The following PRR14L variants were observed in gnomAD, a reference collection of about 807,000 sequenced individuals.
PRR14L encodes the protein proline rich 14 like.
In PRR14L, 80 loss-of-function variants were observed where a neutral mutation model predicts 155.0. The observed-to-expected ratio is 0.52, with a 90% CI of 0.43 to 0.62. PRR14L has a LOEUF of 0.62. Ranked by LOEUF, PRR14L falls within the 20% of genes least tolerant of loss-of-function variation. The pLI, the probability that PRR14L is intolerant of heterozygous loss-of-function variation, is 0.00. For synonymous variants in PRR14L, 883 were observed against 916.0 expected, an observed-to-expected ratio of 0.96 and a Z score of 0.65; for missense variants, 2,469 against 2,548.0, an observed-to-expected ratio of 0.97 and a Z score of 0.67.
Position 31,712,300 on chromosome 22 carries a change from T to C in PRR14L, c.5539A>G (p.Thr1847Ala), listed in dbSNP as rs753079943. 18 of 1,613,978 alleles carry C rather than the reference T, an allele frequency of 1.1e-5. No homozygotes were observed. Among genetic ancestry groups the C allele is most frequent in the Admixed American group, 3.3e-5 (2 of 59,984 alleles). ...TGGGTCATGAAGAGCCTCTGCATGG[T>C]AGGCATGTGGCTGGAGAAGCTCCGT... Reference protein sequence around the residue: ...KKRSFSSHMPTMQRLFMTQFT... With the variant: ...KKRSFSSHMPAMQRLFMTQFT... The change falls in exon 4 of 9, where the codon ACC becomes GCC. Residue 1847 changes from threonine to alanine, a missense_variant. By Grantham distance (58) the Thr-to-Ala change is moderately conservative (BLOSUM62 0). Transcript: ENST00000327423.
chr22:31,683,531 A>C lies in PRR14L; in HGVS notation c.*1996T>G, dbSNP rs2074465668. 1 of 152,268 alleles carries C rather than the reference A, an allele frequency of 6.6e-6. No individual in the cohort carries two copies. The highest frequency in any genetic ancestry group is 1.5e-5 in the Non-Finnish European group (1 of 68,076). 9.4% of individuals were successfully genotyped at this position (152,268 alleles called of 1,614,324 possible). On this transcript the variant is annotated 3_prime_UTR_variant, in exon 9 of 9. Coordinates refer to ENST00000327423, the MANE Select transcript of PRR14L (RefSeq NM_173566.3). ...GGTGAAACATAGGTCGTGTCTATAC[A>C]GTCTGGGCAAAGTGGATGTAGAATG...
At chr22:31,745,182 C>T (rs1426069328) in intron 1 of PRR14L, among the ~76,000 whole-genome samples, 1 of 152,068 alleles carries the variant, frequency 6.6e-6, no homozygotes, top group Non-Finnish European at 1.5e-5. Flanking sequence ...TCGAGACCAT[C>T]CTGGCTAACA....
Position 31,743,002 on chromosome 22 carries a change from T to C in PRR14L, c.-51-4091A>G, listed in dbSNP as rs1346532461. On this transcript the variant is annotated intron_variant, in intron 1 of 8. Coordinates refer to ENST00000327423, the MANE Select transcript of PRR14L (RefSeq NM_173566.3). ...TTACAAGATCCCCTGTATAGGAATGTCTAGACTAGGCAAATCTTACTATGA... is the reference window on the plus strand; with the variant it reads ...TTACAAGATCCCCTGTATAGGAATGCCTAGACTAGGCAAATCTTACTATGA... 6.6e-5 allele frequency among the ~76,000 whole-genome samples: 10 copies of C among 152,250 alleles called. No individual in the cohort carries two copies. The East Asian group carries it at 1.5e-3, about 24-fold the overall frequency.
intron 4 of PRR14L, among the ~76,000 whole-genome samples, chr22:31,711,640 C>G (rs1048623996): frequency 6.6e-6 from 1 of 151,568 alleles, no homozygotes; most frequent in African/African-American, 2.4e-5. Context: ...AAAACTTAGC[C>G]GGGTGTGGTG....
intron 2 of PRR14L, among the ~76,000 whole-genome samples, chr22:31,737,412 C>T (rs1341524395): frequency 6.6e-6 from 1 of 151,704 alleles, no homozygotes; most frequent in Non-Finnish European, 1.5e-5. Context: ...ACCTGGGAGG[C>T]AGAGGTTGCA....
chr22:31,720,567 T>C lies in PRR14L; in HGVS notation c.548-3276A>G, dbSNP rs923459016. Among the ~76,000 whole-genome samples, 4 of 152,136 alleles carry C rather than the reference T, an allele frequency of 2.6e-5. No homozygotes were observed. In the South Asian group the frequency reaches 8.3e-4, roughly 32 times the overall value. ...GGCCAACATGGTGAAACCTTATCTCTACTAAAAATACAAAAAAATCAGCCG... is the reference window on the plus strand; with the variant it reads ...GGCCAACATGGTGAAACCTTATCTCCACTAAAAATACAAAAAAATCAGCCG... On this transcript the variant is annotated intron_variant, in intron 3 of 8. Coordinates refer to ENST00000327423, the MANE Select transcript of PRR14L (RefSeq NM_173566.3).
intron 2 of PRR14L, among the ~76,000 whole-genome samples, chr22:31,737,125 C>T (rs570468239): frequency 2.6e-5 from 4 of 151,752 alleles, no homozygotes; most frequent in African/African-American, 2.4e-5. Context: ...AATTTGCTGA[C>T]CCCTGGGTTA....
At position 31,682,363 on chromosome 22, in the gene PRR14L, G is replaced by A. The variant is rs912699221; in HGVS notation, c.*3164C>T. ...TTTGGGATTCACAGCATGGGTTTCT[G>A]GGCTCCTCAGGCTCCGAATAAGGCA... is the stretch of plus-strand genomic sequence containing the variant. On this transcript the variant is annotated 3_prime_UTR_variant, in exon 9 of 9. Coordinates refer to ENST00000327423, the MANE Select transcript of PRR14L (RefSeq NM_173566.3). The A allele has an allele frequency of 9.9e-5, 15 of 151,706 alleles. No homozygotes were observed. Among genetic ancestry groups the A allele is most frequent in the African/African-American group, 2.9e-4 (12 of 41,130 alleles). 9.4% of individuals were successfully genotyped at this position (151,706 alleles called of 1,614,324 possible).
At chr22:31,741,252 CAAAAAAAAAAAAAA>C (rs139593821) in intron 1 of PRR14L, among the ~76,000 whole-genome samples, 1 of 25,694 alleles carries the variant, frequency 3.9e-5, no homozygotes, top group Non-Finnish European at 7.3e-5. Flanking sequence ...GGCTCTGTCT[CAAAAAAAAAAAAAA>C]AAAAAAAAAA....
Position 31,736,524 on chromosome 22 carries a change from A to G in PRR14L, c.474+1863T>C, listed in dbSNP as rs150090711. ...ATTAACTGCCCTTTATCCTGTGTAA[A>G]GAAAAGATATATGTATCAAGAGCGG... On this transcript the variant is annotated intron_variant, in intron 2 of 8. Coordinates refer to ENST00000327423, the MANE Select transcript of PRR14L (RefSeq NM_173566.3). Among the ~76,000 whole-genome samples the G allele has an allele frequency of 2.4e-3, 371 of 152,342 alleles. 3 individuals are homozygous for G. The highest frequency in any genetic ancestry group is 8.5e-3 in the African/African-American group (355 of 41,576).
At chr22:31,707,860 A>ACTCT (rs1339010545) in intron 4 of PRR14L, among the ~76,000 whole-genome samples, 1 of 152,072 alleles carries the variant, frequency 6.6e-6, no homozygotes, top group Non-Finnish European at 1.5e-5. Flanking sequence ...TTTAAAAATA[A>ACTCT]CTCTAAAGGC....
chr22:31,738,308 A>G, intron 2 of PRR14L, 79 bp downstream of exon 2: 3 of 1,173,320 alleles, frequency 2.6e-6, no homozygotes, highest in Non-Finnish European at 3.6e-6. Context: ...ATCATGAGCC[A>G]ACCGTCAGCA....
intron 7 of PRR14L, among the ~76,000 whole-genome samples, chr22:31,700,927 G>A (rs1201138106): frequency 1.3e-5 from 2 of 151,956 alleles, no homozygotes; most frequent in Non-Finnish European, 2.9e-5. Flanking sequence ...CCACTGTCAG[G>A]CTTCCATTTG....
intron 2 of PRR14L, among the ~76,000 whole-genome samples, chr22:31,735,706 T>C (rs139746930): frequency 3.3e-5 from 5 of 150,150 alleles, no homozygotes; most frequent in African/African-American, 4.9e-5. Flanking sequence ...AGTAACACAA[T>C]AGGAACTCTG....
chr22:31,691,923 A>G (rs1292636113), intron 7 of PRR14L, among the ~76,000 whole-genome samples: 1 of 150,720 alleles, frequency 6.6e-6, no homozygotes, highest in Non-Finnish European at 1.5e-5. Flanking sequence ...GCTGGAGTGC[A>G]GTGGCATGAT....
Position 31,716,246 on chromosome 22 carries a change from T to C in PRR14L, c.1593A>G (p.Ile531Met), listed in dbSNP as rs1466282066. The change falls in exon 4 of 9, where the codon ATA becomes ATG. Residue 531 changes from isoleucine (I) to methionine (M), a missense_variant. Physicochemically the swap from Ile to Met is conservative, Grantham distance 10. Coordinates refer to ENST00000327423, the MANE Select transcript of PRR14L (RefSeq NM_173566.3). ...CTTTAGTGTAAAAAGATTTACTTAA[T>C]ATATTGGGCTCTACAGGGGTTGTCT... ...AGQTTPVEPNILSKSFYTKDC... is the reference protein window; with the variant it reads ...AGQTTPVEPNMLSKSFYTKDC... The C allele has an allele frequency of 1.3e-6, 2 of 1,551,464 alleles. No homozygotes were observed. Among genetic ancestry groups the C allele is most frequent in the Non-Finnish European group, 1.7e-6 (2 of 1,146,904 alleles).
At position 31,712,084 on chromosome 22, in the gene PRR14L, T is replaced by C. The variant is rs756418927; in HGVS notation, c.5755A>G (p.Ser1919Gly). The C allele has an allele frequency of 1.9e-6, 3 of 1,606,754 alleles. No homozygotes were observed. Among genetic ancestry groups the C allele is most frequent in the South Asian group, 2.2e-5 (2 of 90,336 alleles). The part of the protein sequence containing the change: ...KRQPSLGTTS[S>G]HTMLPYVPLP... ...TAAAGAACAGGGGACAGATTTTACC[T>C]GCTTGTGGTGCCCAGACTTGGTTGC... Residue 1919 changes from serine (S) to glycine (G), a missense_variant and splice_region_variant, in exon 4 of 9, where the codon AGC (serine) becomes GGC (glycine). Transcript: ENST00000327423.
chr22:31,728,714 C>CAAAAAAAAA (rs773127360), intron 2 of PRR14L, among the ~76,000 whole-genome samples: 1 of 78,890 alleles, frequency 1.3e-5, no homozygotes, highest in Non-Finnish European at 2.6e-5. Context: ...GACTCCATCT[C>CAAAAAAAAA]AAAAAAAAAA....
chr22:31,726,631 C>T (rs942152691), intron 2 of PRR14L, among the ~76,000 whole-genome samples: 8 of 152,114 alleles, frequency 5.3e-5, no homozygotes, highest in Admixed American at 2.6e-4. Flanking sequence ...CTCTGCTTTT[C>T]CAGTTCTCAG....
Sources: allele counts gnomAD v4.1 joint callset (sites outside exome capture counted in the v4.1 genomes callset), GRCh38; gene constraint gnomAD v4.1.1; transcripts MANE v1.5; gene names NCBI Gene and HGNC (gene_info 2026-07-23, HGNC 2026-07-21).